GPC6: variants seen among roughly 807,000 people sequenced by gnomAD.
GPC6 encodes glypican-6.
Under a neutral mutation model 55.2 loss-of-function variants are expected in GPC6, and 14 were observed. That is an observed-to-expected ratio of 0.25 (90% confidence interval 0.17 to 0.40). The LOEUF (loss-of-function observed/expected upper bound fraction) is 0.40. GPC6 is among the 10% of genes least tolerant of loss of function. The pLI is 1.00. For synonymous variants in GPC6, 278 were observed against 259.6 expected, an observed-to-expected ratio of 1.07 and a Z score of -0.68; for missense variants, 641 against 708.5, an observed-to-expected ratio of 0.90 and a Z score of 1.08.
chr13:94,170,629 T>C (rs1352382691), intron 4 of GPC6, among the ~76,000 whole-genome samples: 4 of 152,238 alleles, frequency 2.6e-5, no homozygotes, highest in Non-Finnish European at 5.9e-5. Flanking sequence ...AACTCTTTGC[T>C]ATCCTCAAAA....
intron 1 of GPC6, among the ~76,000 whole-genome samples, chr13:93,376,036 C>G (rs994298262): frequency 6.9e-6 from 1 of 145,892 alleles, no homozygotes; most frequent in African/African-American, 2.5e-5. Context: ...TGCAATAGAT[C>G]ATGCATCTGG....
chr13:93,612,500 A>AACACACACACACACACAC lies in GPC6; in HGVS notation c.319+67105_319+67122dup, dbSNP rs3138575. On this transcript the variant is annotated intron_variant, in intron 2 of 8. Transcript: ENST00000377047. ...GGCGATAGTGCGAGACTCCGTCTAA[A>AACACACACACACACACAC]ACACACACACACACACACACACACA... is the stretch of plus-strand genomic sequence containing the variant. Among the ~76,000 whole-genome samples, 586 of 139,334 alleles carry AACACACACACACACACAC rather than the reference A, an allele frequency of 4.2e-3. 3 individuals carry two copies. The highest frequency in any genetic ancestry group is 7.6e-3 in the East Asian group (35 of 4,582). 91.4% of individuals were successfully genotyped at this position (139,334 alleles called of 152,430 possible).
chr13:93,504,792 T>G (rs61964228), intron 1 of GPC6, among the ~76,000 whole-genome samples: 1 of 152,058 alleles, frequency 6.6e-6, no homozygotes, highest in African/African-American at 2.4e-5. Context: ...GCCATTCACA[T>G]GCCAAAGAAA....
intron 1 of GPC6, among the ~76,000 whole-genome samples, chr13:93,454,654 T>C (rs1878367773): frequency 6.6e-6 from 1 of 151,648 alleles, no homozygotes; most frequent in African/African-American, 2.4e-5. Context: ...CATTGGTGTA[T>C]TTACAATCCC....
chr13:93,993,536 T>A lies in GPC6; in HGVS notation c.712-34193T>A, dbSNP rs574721831. ...GTGCCAAACTCCTGACCTCAAATGA[T>A]CCACCCGCCTCAGCCTCCCAAAGTG... On this transcript the variant is annotated intron_variant, in intron 3 of 8. Coordinates refer to ENST00000377047, the MANE Select transcript of GPC6 (RefSeq NM_005708.5). Among the ~76,000 whole-genome samples, 45 of 152,116 alleles carry A rather than the reference T, an allele frequency of 3.0e-4. No individual in the cohort carries two copies. The South Asian group carries it at 3.3e-3, about 11-fold the overall frequency.
intron 1 of GPC6, among the ~76,000 whole-genome samples, chr13:93,235,255 GT>G (rs1876195160): frequency 1.3e-5 from 2 of 152,068 alleles, no homozygotes; most frequent in African/African-American, 4.8e-5. Context: ...GAAGGAGGCA[GT>G]TAGGGAGTAA....
intron 4 of GPC6, among the ~76,000 whole-genome samples, chr13:94,114,413 G>A (rs1886360205): frequency 6.6e-6 from 1 of 152,104 alleles, no homozygotes; most frequent in Non-Finnish European, 1.5e-5. Flanking sequence ...TTGTAAGGAA[G>A]CAGGCGGGGG....
intron 2 of GPC6, among the ~76,000 whole-genome samples, chr13:93,700,514 GTGATTCT>G (rs1882631400): frequency 6.6e-6 from 1 of 152,114 alleles, no homozygotes; most frequent in Non-Finnish European, 1.5e-5. Context: ...GGGGGCCCAA[GTGATTCT>G]TGCTGCTCCT....
chr13:93,347,480 A>C (rs1880470304), intron 1 of GPC6, among the ~76,000 whole-genome samples: 1 of 152,178 alleles, frequency 6.6e-6, no homozygotes, highest in Non-Finnish European at 1.5e-5. Flanking sequence ...ACAGTGACCA[A>C]AGAAATGGTC....
At chr13:93,961,905 G>A (rs145748002) in intron 3 of GPC6, among the ~76,000 whole-genome samples, 284 of 152,122 alleles carry the variant, frequency 1.9e-3, no homozygotes, top group African/African-American at 6.5e-3. Context: ...TCTTTGAGCC[G>A]TCCTAGCCTC....
intron 4 of GPC6, among the ~76,000 whole-genome samples, chr13:94,275,105 C>A (rs1034006544): frequency 4.6e-5 from 7 of 152,114 alleles, no homozygotes; most frequent in Admixed American, 4.6e-4. Flanking sequence ...TCCAATGATT[C>A]TTTTAACGAA....
chr13:94,169,241 A>G (rs1224545740), intron 4 of GPC6, among the ~76,000 whole-genome samples: 2 of 152,226 alleles, frequency 1.3e-5, no homozygotes, highest in Non-Finnish European at 2.9e-5. Flanking sequence ...ATAATTTTCA[A>G]TATCTCATTT....
intron 4 of GPC6, among the ~76,000 whole-genome samples, chr13:94,185,403 T>C (rs939921437): frequency 1.3e-5 from 2 of 152,074 alleles, no homozygotes; most frequent in African/African-American, 4.8e-5. Flanking sequence ...CATAGTGTAG[T>C]GGAAAGTCTA....
intron 4 of GPC6, among the ~76,000 whole-genome samples, chr13:94,239,850 T>C (rs1207653195): frequency 6.6e-6 from 1 of 152,118 alleles, no homozygotes; most frequent in Non-Finnish European, 1.5e-5. Context: ...GCTTCCCTCT[T>C]GGAAGATCAG....
At chr13:93,869,003 TA>T (rs2139035341) in intron 3 of GPC6, among the ~76,000 whole-genome samples, 1 of 151,998 alleles carries the variant, frequency 6.6e-6, no homozygotes, top group Admixed American at 6.6e-5. Flanking sequence ...TGCACCATTT[TA>T]AAACTTAATT....
At chr13:93,390,991 T>A (rs1875609794) in intron 1 of GPC6, among the ~76,000 whole-genome samples, 1 of 152,042 alleles carries the variant, frequency 6.6e-6, no homozygotes. Context: ...CTATGTGTCT[T>A]TTATTATGGG....
At chr13:93,589,016 T>A (rs1042818675) in intron 2 of GPC6, among the ~76,000 whole-genome samples, 1 of 152,066 alleles carries the variant, frequency 6.6e-6, no homozygotes, top group African/African-American at 2.4e-5. Context: ...ATACTATAGC[T>A]CCCTTATAAA....
intron 1 of GPC6, among the ~76,000 whole-genome samples, chr13:93,498,470 A>C (rs934867524): frequency 2.6e-5 from 4 of 152,128 alleles, no homozygotes; most frequent in Admixed American, 6.5e-5. Flanking sequence ...CTCAACTTGA[A>C]TTGTGTCTCC....
At chr13:93,978,462 A>C (rs1300321688) in intron 3 of GPC6, among the ~76,000 whole-genome samples, 1 of 152,200 alleles carries the variant, frequency 6.6e-6, no homozygotes, top group African/African-American at 2.4e-5. Context: ...CAGAATTTTA[A>C]AACACAGTCT....
Sources: allele counts gnomAD v4.1 joint callset (sites outside exome capture counted in the v4.1 genomes callset), GRCh38; gene constraint gnomAD v4.1.1; transcripts MANE v1.5; gene names NCBI Gene and HGNC (gene_info 2026-07-23, HGNC 2026-07-21).